The following CXADR variants were observed in gnomAD, a reference collection of about 807,000 sequenced individuals.
The protein encoded by CXADR is coxsackievirus and adenovirus receptor.
CXADR carries 20 observed loss-of-function variants against 40.3 expected under a neutral mutation model. The ratio of observed to expected loss-of-function variants is 0.50; its 90% CI spans 0.35 to 0.72. CXADR has a LOEUF of 0.72. CXADR is among the 30% of genes least tolerant of loss of function. The pLI is 0.01. For missense variants in CXADR, 332 were observed against 449.1 expected (o/e 0.74, Z 2.36); for synonymous variants, 150 against 161.3 (o/e 0.93, Z 0.53).
Position 17,567,265 on chromosome 21 carries a change from T to C in CXADR, c.*1573T>C. 1 of 985,404 alleles carries C rather than the reference T, an allele frequency of 1.0e-6. No homozygotes were observed. The highest frequency in any genetic ancestry group is 1.2e-6 in the Non-Finnish European group (1 of 829,924). The allele number at this position is 985,404 out of a possible 1,614,324, so 61.0% of individuals were successfully genotyped here. The stretch of plus-strand genomic sequence containing the variant: ...CGGTGGCATGTATTTACAGTTAGAG[T>C]ATTGTGTGTACACTTTTTAATGGTA... On this transcript the variant is annotated 3_prime_UTR_variant, in exon 7 of 7. Coordinates refer to ENST00000284878, the MANE Select transcript of CXADR (RefSeq NM_001338.5).
chr21:17,545,335 T>C (rs1291711178), intron 1 of CXADR, among the ~76,000 whole-genome samples: 1 of 152,166 alleles, frequency 6.6e-6, no homozygotes, highest in Non-Finnish European at 1.5e-5. Flanking sequence ...AAGTAAACCA[T>C]AGATGTGACA....
chr21:17,513,175 G>A lies in CXADR; in HGVS notation c.43+3G>A. The A allele has an allele frequency of 7.3e-7, 1 of 1,365,340 alleles. No homozygotes were observed. The highest frequency in any genetic ancestry group is 9.5e-7 in the Non-Finnish European group (1 of 1,056,268). The allele number at this position is 1,365,340 out of a possible 1,614,324, so 84.6% of individuals were successfully genotyped here. A position where few individuals can be genotyped will look rare whatever the true frequency, so the allele number is the denominator to read the frequency against. ...CGTGCTCCTGTGCGGAGTAGTGGGTGAGTAGGGGCCATGGGGTCCTCAGCA... is the reference window on the plus strand; with the variant it reads ...CGTGCTCCTGTGCGGAGTAGTGGGTAAGTAGGGGCCATGGGGTCCTCAGCA... On this transcript the variant is annotated splice_donor_region_variant and intron_variant, in intron 1 of 6. Transcript: ENST00000284878.
At chr21:17,618,161 G>A in the CXADR span, among the ~76,000 whole-genome samples, 30,060 of 152,072 alleles carry the variant, frequency 0.2, 3,528 homozygotes, top group African/African-American at 0.3. Context: ...AGCCTTGATC[G>A]CAGCACTGCA....
At chr21:17,616,888 T>G in the CXADR span, among the ~76,000 whole-genome samples, 1 of 152,144 alleles carries the variant, frequency 6.6e-6, no homozygotes. Flanking sequence ...TAAATATCCA[T>G]AAAGCAGCAG....
intron 7 of CXADR, among the ~76,000 whole-genome samples, chr21:17,575,252 A>G (rs1040886812): frequency 1.3e-4 from 20 of 151,946 alleles, no homozygotes; most frequent in Non-Finnish European, 2.4e-4. Flanking sequence ...TGGTGCGATT[A>G]TAGCTCACTG....
the CXADR span, among the ~76,000 whole-genome samples, chr21:17,608,466 C>T: frequency 2.0e-3 from 308 of 151,896 alleles, 4 homozygotes; most frequent in African/African-American, 7.2e-3. Flanking sequence ...AAAATAGTTA[C>T]ACTGACTTCT....
rs1393997859 is a variant in CXADR, at chr21:17,566,168, G to A, written c.*476G>A. ...AAATATCCATGACAAAATTACTTAC[G>A]TATGTTTGTACTTGGTTTTACAGCT... On this transcript the variant is annotated 3_prime_UTR_variant, in exon 7 of 7. Transcript: ENST00000284878. 1.1e-5 allele frequency: 11 copies of A among 984,510 alleles called. No individual in the cohort carries two copies. Among genetic ancestry groups the A allele is most frequent in the Admixed American group, 1.2e-4 (2 of 16,264 alleles). 61.0% of individuals were successfully genotyped at this position (984,510 alleles called of 1,614,324 possible).
chr21:17,563,155 G>T (rs537039125), intron 6 of CXADR, among the ~76,000 whole-genome samples: 3 of 152,194 alleles, frequency 2.0e-5, no homozygotes, highest in African/African-American at 4.8e-5. Flanking sequence ...CCTCACTAAG[G>T]TTAATTATTT....
In CXADR at chr21:17,567,561, T is replaced by C; in HGVS notation, c.*1869T>C. On this transcript the variant is annotated 3_prime_UTR_variant, in exon 7 of 7. Coordinates refer to ENST00000284878, the MANE Select transcript of CXADR (RefSeq NM_001338.5). Reference sequence around the variant, plus strand: ...CTCACATTTTCAAGCTTGCCTCTTTTCTGTTCTTTGTGGATATAACTTAAG... The same window carrying C: ...CTCACATTTTCAAGCTTGCCTCTTTCCTGTTCTTTGTGGATATAACTTAAG... 1.0e-6 allele frequency: 1 copy of C among 985,356 alleles called. No individual in the cohort carries two copies. The highest frequency in any genetic ancestry group is 1.7e-5 in the African/African-American group (1 of 57,368). 61.0% of individuals were successfully genotyped at this position (985,356 alleles called of 1,614,324 possible). A position where few individuals can be genotyped will look rare whatever the true frequency, so the allele number is the denominator to read the frequency against.
chr21:17,562,910 G>T (rs2061144181), intron 6 of CXADR, among the ~76,000 whole-genome samples: 1 of 152,168 alleles, frequency 6.6e-6, no homozygotes, highest in African/African-American at 2.4e-5. Context: ...TTAGGGCCTT[G>T]CTCTGGATTG....
At chr21:17,515,494 C>A (rs1017038642) in intron 1 of CXADR, among the ~76,000 whole-genome samples, 2 of 151,474 alleles carry the variant, frequency 1.3e-5, no homozygotes, top group African/African-American at 4.9e-5. Flanking sequence ...TTTATTTCTT[C>A]AGATATTTCT....
rs148738026 is a variant in CXADR, at chr21:17,544,744, T to C, written c.44-2283T>C. Among the ~76,000 whole-genome samples, 1,270 of 152,308 alleles carry C rather than the reference T, an allele frequency of 8.3e-3. 22 individuals are homozygous for C. The highest frequency in any genetic ancestry group is 0.028 in the African/African-American group (1,179 of 41,562). ...TCAGGTTTAAGGGAGCAGGTGCAGA[T>C]AATTTGAATCCCAATTTAAATTTAT... On this transcript the variant is annotated intron_variant, in intron 1 of 6. Transcript: ENST00000284878.
chr21:17,516,458 C>T (rs1326892918), intron 1 of CXADR, among the ~76,000 whole-genome samples: 1 of 152,230 alleles, frequency 6.6e-6, no homozygotes, highest in Non-Finnish European at 1.5e-5. Flanking sequence ...ACACTAGTTT[C>T]TCCAGGGCTT....
intron 1 of CXADR, chr21:17,518,890 T>G: frequency 1.3e-6 from 2 of 1,573,158 alleles, no homozygotes; most frequent in Non-Finnish European, 1.7e-6. Flanking sequence ...AAGCTTTTTG[T>G]CATCAGCCAT....
rs1275249237 is a variant in CXADR, at chr21:17,546,988, A to G, written c.44-39A>G. On this transcript the variant is annotated intron_variant, in intron 1 of 6. Coordinates refer to ENST00000284878, the MANE Select transcript of CXADR (RefSeq NM_001338.5). ...GGGGCACTGTGTGGGCTGTCAGCGT[A>G]TAGCAAATGCTTAGTCCCTTGTACA... The G allele has an allele frequency of 8.1e-6, 13 of 1,608,084 alleles. No individual in the cohort carries two copies. In the Middle Eastern group the frequency reaches 9.0e-4, roughly 112 times the overall value.
the CXADR span, among the ~76,000 whole-genome samples, chr21:17,603,383 T>A: frequency 1.3e-4 from 20 of 152,268 alleles, no homozygotes; most frequent in Non-Finnish European, 1.9e-4. Flanking sequence ...ATCACAAACC[T>A]CTACCACCTA....
intron 7 of CXADR, among the ~76,000 whole-genome samples, chr21:17,590,123 C>T (rs1483782889): frequency 6.6e-6 from 1 of 151,868 alleles, no homozygotes; most frequent in African/African-American, 2.4e-5. Flanking sequence ...CATGGCATTG[C>T]TGTCTAAATC....
At chr21:17,550,809 A>G (rs2060957624) in intron 2 of CXADR, among the ~76,000 whole-genome samples, 1 of 152,244 alleles carries the variant, frequency 6.6e-6, no homozygotes, top group African/African-American at 2.4e-5. Context: ...TGTGTGGTTC[A>G]GAAAACTCAG....
At chr21:17,632,590 G>A in the CXADR span, among the ~76,000 whole-genome samples, 5 of 152,172 alleles carry the variant, frequency 3.3e-5, no homozygotes, top group African/African-American at 1.2e-4. Flanking sequence ...AAGAGAGGCC[G>A]GGCGTGGTGG....
Sources: gnomAD v4.1 joint callset for allele counts (sites outside exome capture counted in the v4.1 genomes callset) on GRCh38, gnomAD v4.1.1 for gene constraint, MANE v1.5 for transcripts, NCBI Gene and HGNC (gene_info 2026-07-23, HGNC 2026-07-21) for gene names.